PDE4D: variants seen among roughly 807,000 people sequenced by gnomAD.
PDE4D encodes the protein 3',5'-cyclic-AMP phosphodiesterase 4D.
Under a neutral mutation model 87.4 loss-of-function variants are expected in PDE4D, and 24 were observed. The ratio of observed to expected loss-of-function variants is 0.27; its 90% CI spans 0.20 to 0.39. The LOEUF (loss-of-function observed/expected upper bound fraction) is 0.39, where lower values mean the gene tolerates loss of function less well. Among genes scored for constraint, PDE4D ranks in the 10% least tolerant of loss-of-function variants. The pLI is 1.00. For synonymous variants in PDE4D, 384 were observed against 383.2 expected (o/e 1.00, Z -0.02); for missense variants, 714 against 1,041.0 (o/e 0.69, Z 4.32).
At chr5:59,928,047 G>C (rs1755476851) in intron 3 of PDE4D, among the ~76,000 whole-genome samples, 1 of 152,192 alleles carries the variant, frequency 6.6e-6, no homozygotes. Context: ...CAAGCTGCGT[G>C]GTGTGAGCAG....
At chr5:59,795,769 A>C (rs966361006) in intron 1 of PDE4D, among the ~76,000 whole-genome samples, 4 of 152,156 alleles carry the variant, frequency 2.6e-5, no homozygotes, top group African/African-American at 4.8e-5. Context: ...AATAGGCTGA[A>C]GTTCCAACCC....
chr5:60,060,588 T>G (rs1035469207), intron 2 of PDE4D, among the ~76,000 whole-genome samples: 1 of 152,142 alleles, frequency 6.6e-6, no homozygotes, highest in Admixed American at 6.6e-5. Context: ...AGGAGTTGAT[T>G]TCAACTGTCC....
chr5:59,196,101 A>G (rs1326662589), intron 2 of PDE4D, among the ~76,000 whole-genome samples: 1 of 152,222 alleles, frequency 6.6e-6, no homozygotes, highest in Non-Finnish European at 1.5e-5. Flanking sequence ...CTGGGGAAAA[A>G]AAGATATGAA....
intron 2 of PDE4D, among the ~76,000 whole-genome samples, chr5:60,129,988 C>T (rs1038629409): frequency 4.6e-5 from 7 of 152,134 alleles, no homozygotes; most frequent in African/African-American, 1.7e-4. Flanking sequence ...AAGGAGGAAC[C>T]TTCATGAATG....
At chr5:60,018,911 A>G (rs1446858801) in intron 2 of PDE4D, among the ~76,000 whole-genome samples, 4 of 152,166 alleles carry the variant, frequency 2.6e-5, no homozygotes, top group African/African-American at 9.7e-5. Context: ...TACTGTCAAT[A>G]TTAGGCAGAT....
At chr5:59,078,869 G>A (rs2153422311) in intron 5 of PDE4D, among the ~76,000 whole-genome samples, 1 of 152,170 alleles carries the variant, frequency 6.6e-6, no homozygotes, top group African/African-American at 2.4e-5. Context: ...CTGATGTAAG[G>A]GTTAATCCTG....
rs564776303 is a variant in PDE4D at position 60,065,427 on chromosome 5, A to G, written c.43-76710T>C. 1.5e-4 allele frequency among the ~76,000 whole-genome samples: 23 copies of G among 152,006 alleles called. No individual in the cohort carries two copies. In the South Asian group the frequency reaches 4.6e-3, roughly 30 times the overall value. ...TAGGTTACATGACCTTAAACTAGTT[A>G]CCAATTTATTATCATTATTATTATT... On this transcript the variant is annotated intron_variant, in intron 2 of 16. Transcript: ENST00000502484.
At chr5:59,181,753 T>C (rs1741641698) in intron 4 of PDE4D, among the ~76,000 whole-genome samples, 2 of 151,998 alleles carry the variant, frequency 1.3e-5, no homozygotes, top group Admixed American at 1.3e-4. Flanking sequence ...AAACAAAACT[T>C]TGAGAATTTG....
chr5:59,916,842 C>T (rs1205996945), intron 3 of PDE4D, among the ~76,000 whole-genome samples: 1 of 151,344 alleles, frequency 6.6e-6, no homozygotes, highest in Non-Finnish European at 1.5e-5. Context: ...GGCTGGAGTG[C>T]AATGGTGCAA....
intron 1 of PDE4D, among the ~76,000 whole-genome samples, chr5:60,386,175 A>T (rs1306582816): frequency 1.3e-5 from 2 of 152,230 alleles, no homozygotes; most frequent in Non-Finnish European, 1.5e-5. Context: ...TTGGAAAAAA[A>T]TATATAGTAA....
chr5:59,031,963 G>T (rs1757627939), intron 6 of PDE4D, among the ~76,000 whole-genome samples: 1 of 151,946 alleles, frequency 6.6e-6, no homozygotes, highest in African/African-American at 2.4e-5. Context: ...AATGGAAGAT[G>T]TCGATCAAAC....
intron 1 of PDE4D, among the ~76,000 whole-genome samples, chr5:59,331,288 G>A (rs999228695): frequency 7.9e-5 from 12 of 152,162 alleles, no homozygotes; most frequent in Non-Finnish European, 1.0e-4. Flanking sequence ...CCAGAGGACT[G>A]AGGTCAAGAT....
At chr5:60,062,304 G>A (rs1348600015) in intron 2 of PDE4D, among the ~76,000 whole-genome samples, 1 of 151,674 alleles carries the variant, frequency 6.6e-6, no homozygotes, top group South Asian at 2.1e-4. Context: ...ACAAACATAT[G>A]AAAAAAAAGC....
At chr5:59,970,700 G>A (rs2152817406) in intron 3 of PDE4D, among the ~76,000 whole-genome samples, 1 of 148,858 alleles carries the variant, frequency 6.7e-6, no homozygotes, top group African/African-American at 2.5e-5. Flanking sequence ...TAAAAAGTCA[G>A]GAAGCAACAG....
At position 60,007,170 on chromosome 5, in the gene PDE4D, T is replaced by A. The variant is rs528244200; in HGVS notation, c.43-18453A>T. Among the ~76,000 whole-genome samples, 95 of 152,128 alleles carry A rather than the reference T, an allele frequency of 6.2e-4. 1 individual carries two copies. In the Middle Eastern group the frequency reaches 0.041, roughly 65 times the overall value. On this transcript the variant is annotated intron_variant, in intron 2 of 16. Coordinates refer to the PDE4D transcript ENST00000502484. Reference sequence around the variant, plus strand: ...ATTATTTTCTAGGTTAGTTATAGTATGATTTTTCAAAACGTCACCTTCAGT... The same window carrying A: ...ATTATTTTCTAGGTTAGTTATAGTAAGATTTTTCAAAACGTCACCTTCAGT...
rs371522943 is a variant in PDE4D, at chr5:59,765,571, G to T, written c.455+127597C>A. Among the ~76,000 whole-genome samples, 19 of 152,288 alleles carry T rather than the reference G, an allele frequency of 1.2e-4. No individual in the cohort carries two copies. In the South Asian group the frequency reaches 2.5e-3, roughly 20 times the overall value. On this transcript the variant is annotated intron_variant, in intron 1 of 14. Coordinates refer to ENST00000340635, the MANE Select transcript of PDE4D (RefSeq NM_001104631.2). ...CAGCCAGAAGAAAACGAGTATAAGT[G>T]ACATGTGCACTTCCCGGCCTGTCTC...
At chr5:59,760,636 T>G (rs1761854186) in intron 1 of PDE4D, among the ~76,000 whole-genome samples, 1 of 152,168 alleles carries the variant, frequency 6.6e-6, no homozygotes. Context: ...GAAAACTGTA[T>G]TTGGTTTTAA....
chr5:60,076,233 A>G (rs1582527462), intron 2 of PDE4D, among the ~76,000 whole-genome samples: 1 of 151,332 alleles, frequency 6.6e-6, no homozygotes, highest in Admixed American at 6.6e-5. Context: ...GTCTCGGCTC[A>G]CTGCAAGCTC....
intron 2 of PDE4D, among the ~76,000 whole-genome samples, chr5:60,133,757 T>C (rs1779794664): frequency 6.6e-6 from 1 of 152,190 alleles, no homozygotes; most frequent in African/African-American, 2.4e-5. Flanking sequence ...TTATTAAGGC[T>C]TTACATACAC....
Sources: allele counts gnomAD v4.1 joint callset (sites outside exome capture counted in the v4.1 genomes callset), GRCh38; gene constraint gnomAD v4.1.1; transcripts MANE v1.5; gene names NCBI Gene and HGNC (gene_info 2026-07-23, HGNC 2026-07-21).